The following PRDM12 variants were observed in gnomAD, a reference collection of about 807,000 sequenced individuals.
PRDM12 encodes the protein PR/SET domain 12, also known as PR domain zinc finger protein 12.
In PRDM12, 17 loss-of-function variants were observed where a neutral mutation model predicts 29.6. That is an observed-to-expected ratio of 0.57 (90% CI 0.39 to 0.86). PRDM12 has a LOEUF of 0.86. Among genes scored for constraint, PRDM12 ranks in the 40% least tolerant of loss-of-function variants. PRDM12 has a pLI of 0.00. For missense variants in PRDM12, 422 were observed against 510.8 expected, an observed-to-expected ratio of 0.83 and a Z score of 1.68; for synonymous variants, 231 against 225.8, an observed-to-expected ratio of 1.02 and a Z score of -0.21.
Position 130,681,605 on chromosome 9 carries a change from T to TAGC in PRDM12, c.1040_1041insAGC (p.Ala359dup). 1 of 955,020 alleles carries TAGC rather than the reference T, an allele frequency of 1.0e-6. No homozygotes were observed. The highest frequency in any genetic ancestry group is 4.8e-5 in the South Asian group (1 of 20,804). The allele number at this position is 955,020 out of a possible 1,614,324, so 59.2% of individuals were successfully genotyped here. On this transcript the variant is annotated inframe_insertion, in exon 5 of 5. Transcript: ENST00000253008. The surrounding 1 kb of genome is among the most constrained non-coding windows in gnomAD (Gnocchi z 8.1). ...GCCCCGCACGCGCACGCGCCCGCGCTCGCCGCCGCCGCCGCCGCCGCCGCC... is the reference window on the plus strand; with the variant it reads ...GCCCCGCACGCGCACGCGCCCGCGCTAGCCGCCGCCGCCGCCGCCGCCGCCGCC...
intron 3 of PRDM12, among the ~76,000 whole-genome samples, chr9:130,671,851 C>T (rs1234407108): frequency 6.6e-6 from 1 of 152,258 alleles, no homozygotes; most frequent in Admixed American, 6.5e-5. Context: ...AACTGCCACT[C>T]ATAGTTCATA....
At position 130,681,169 on chromosome 9, in the gene PRDM12, G is replaced by T. The variant is rs1588189805; in HGVS notation, c.683-79G>T. 1 of 1,307,400 alleles carries T rather than the reference G, an allele frequency of 7.6e-7. No homozygotes were observed. The highest frequency in any genetic ancestry group is 3.0e-5 in the East Asian group (1 of 32,962). The allele number at this position is 1,307,400 out of a possible 1,614,324, so 81.0% of individuals were successfully genotyped here. A position where few individuals can be genotyped will look rare whatever the true frequency, so the allele number is the denominator to read the frequency against. On this transcript the variant is annotated intron_variant, in intron 4 of 4. Transcript: ENST00000253008. The surrounding 1 kb of genome is among the most constrained non-coding windows in gnomAD (Gnocchi z 8.1). ...GCTGGGGGCGCTGAGGGCCCGGGCT[G>T]CGGGGCGCCGGTTCTAACGGGGCTG...
chr9:130,671,560 A>AT (rs1315902212), intron 3 of PRDM12, among the ~76,000 whole-genome samples: 3 of 152,164 alleles, frequency 2.0e-5, no homozygotes, highest in Non-Finnish European at 2.9e-5. Flanking sequence ...AAGTGGATAC[A>AT]TTTTTTTGTG....
intron 1 of PRDM12, 29 bp from the exon 2 acceptor site, chr9:130,666,579 G>T: frequency 6.3e-7 from 1 of 1,596,362 alleles, no homozygotes; most frequent in South Asian, 1.1e-5. Context: ...CTCGGGCTCT[G>T]ACCGGTTTTC....
At chr9:130,676,267 G>A (rs1295113735) in intron 3 of PRDM12, among the ~76,000 whole-genome samples, 1 of 152,112 alleles carries the variant, frequency 6.6e-6, no homozygotes, top group Non-Finnish European at 1.5e-5. Flanking sequence ...GAGGCGGGCG[G>A]ATCACGAGAT....
intron 3 of PRDM12, among the ~76,000 whole-genome samples, chr9:130,677,072 C>T (rs149686525): frequency 0.012 from 1,754 of 152,214 alleles, 14 homozygotes; most frequent in Non-Finnish European, 0.017. Flanking sequence ...TACAGGCATG[C>T]GCCACCGCGC....
intron 3 of PRDM12, among the ~76,000 whole-genome samples, chr9:130,678,228 C>A (rs1830860893): frequency 6.6e-6 from 1 of 151,798 alleles, no homozygotes; most frequent in Non-Finnish European, 1.5e-5. Flanking sequence ...TTTCCATCTC[C>A]CATTACTTCT....
chr9:130,679,055 C>T (rs1830869069), intron 4 of PRDM12, among the ~76,000 whole-genome samples: 1 of 152,180 alleles, frequency 6.6e-6, no homozygotes, highest in Non-Finnish European at 1.5e-5. Flanking sequence ...TCTCTAAGTT[C>T]CCTTCTGGTT....
chr9:130,679,514 G>C (rs1243210738), intron 4 of PRDM12, among the ~76,000 whole-genome samples: 3 of 151,978 alleles, frequency 2.0e-5, no homozygotes, highest in Non-Finnish European at 4.4e-5. Context: ...TGCATTTGTA[G>C]TAGAGATGGG....
chr9:130,680,401 G>A (rs900934906), intron 4 of PRDM12, among the ~76,000 whole-genome samples: 3 of 151,698 alleles, frequency 2.0e-5, no homozygotes, highest in Middle Eastern at 6.8e-3. Context: ...TTGGGAGGCC[G>A]AGGTGGGTGG....
chr9:130,669,219 C>T (rs1194912895), intron 3 of PRDM12, among the ~76,000 whole-genome samples: 3 of 151,850 alleles, frequency 2.0e-5, no homozygotes, highest in South Asian at 2.1e-4. Flanking sequence ...CCCAGCTACT[C>T]GGGAAGCTGA....
At chr9:130,680,660 T>TATATATATATATATATATATATATATATA (rs1554753125) in intron 4 of PRDM12, among the ~76,000 whole-genome samples, 1 of 49,414 alleles carries the variant, frequency 2.0e-5, no homozygotes, top group Admixed American at 2.2e-4. Context: ...TATATATATA[T>TATATATATATATATATATATATATATATA]TTTTTTTTTT....
At chr9:130,669,085 T>C (rs1485835798) in intron 3 of PRDM12, among the ~76,000 whole-genome samples, 1 of 151,034 alleles carries the variant, frequency 6.6e-6, no homozygotes, top group Non-Finnish European at 1.5e-5. Flanking sequence ...CTGAGGTGAG[T>C]GAATTGCCGA....
chr9:130,666,893 G>C, intron 2 of PRDM12, 95 bp downstream of exon 2: 1 of 1,458,992 alleles, frequency 6.9e-7, no homozygotes, highest in Non-Finnish European at 9.2e-7. Flanking sequence ...CTTCCACCCG[G>C]GCTGAGAGCG....
At chr9:130,680,634 A>ATATATATATATATATATATATATATAT (rs1554753095) in intron 4 of PRDM12, among the ~76,000 whole-genome samples, 1 of 88,496 alleles carries the variant, frequency 1.1e-5, no homozygotes, top group Non-Finnish European at 1.9e-5. Context: ...AAAAAAAAAA[A>ATATATATATATATATATATATATATAT]ATATATATAT....
Position 130,680,659 on chromosome 9 carries a change from A to ATATATATATATTT in PRDM12, c.683-588_683-587insATATATATATTTT. 2.1e-3 allele frequency among the ~76,000 whole-genome samples: 153 copies of ATATATATATATTT among 72,138 alleles called. 3 individuals are homozygous for ATATATATATATTT. Among genetic ancestry groups the ATATATATATATTT allele is most frequent in the African/African-American group, 8.1e-3 (104 of 12,862 alleles). The allele number at this position is 72,138 out of a possible 152,430, so 47.3% of individuals were successfully genotyped here. A position where few individuals can be genotyped will look rare whatever the true frequency, so the allele number is the denominator to read the frequency against. On this transcript the variant is annotated intron_variant, in intron 4 of 4. Coordinates refer to ENST00000253008, the MANE Select transcript of PRDM12 (RefSeq NM_021619.3). The stretch of plus-strand genomic sequence containing the variant: ...AATATATATATATATATATATATAT[A>ATATATATATATTT]TTTTTTTTTTTTTTAACTGATCCTT...
chr9:130,665,047 G>A (rs1830718621), intron 1 of PRDM12, among the ~76,000 whole-genome samples, 171 bp downstream of exon 1: 1 of 152,000 alleles, frequency 6.6e-6, no homozygotes, highest in East Asian at 2.0e-4. Flanking sequence ...AAACCAGGAC[G>A]CGAGCCACCA....
At chr9:130,671,590 A>G (rs568816491) in intron 3 of PRDM12, among the ~76,000 whole-genome samples, 89 of 152,220 alleles carry the variant, frequency 5.8e-4, no homozygotes, top group African/African-American at 1.9e-3. Context: ...TTCTCAAACC[A>G]TTTTGTCACA....
In PRDM12 at chr9:130,664,617, C is replaced by A. The variant is rs1253641866; in HGVS notation, c.-37C>A. ...CGCCCGCCCACCTCCCCCGTCGGCC[C>A]GGCCGTCCCCCGGCGCCGGGGAGCT... On this transcript the variant is annotated 5_prime_UTR_variant, in exon 1 of 5. Transcript: ENST00000253008. This position sits in a 1 kb window ranked among gnomAD's most constrained non-coding sequence, Gnocchi z 6.4. The A allele has an allele frequency of 6.7e-7, 1 of 1,486,584 alleles. No homozygotes were observed. 92.1% of individuals were successfully genotyped at this position (1,486,584 alleles called of 1,614,324 possible). A position where few individuals can be genotyped will look rare whatever the true frequency, so the allele number is the denominator to read the frequency against.
Sources: allele counts gnomAD v4.1 joint callset (sites outside exome capture counted in the v4.1 genomes callset), GRCh38; gene constraint gnomAD v4.1.1; non-coding constraint Gnocchi (gnomAD v3.1); transcripts MANE v1.5; gene names NCBI Gene and HGNC (gene_info 2026-07-23, HGNC 2026-07-21).